Variants in DAB1 observed in about 807,000 individuals in gnomAD.
DAB1 encodes the protein DAB adaptor protein 1, also known as disabled homolog 1.
Under a neutral mutation model 64.6 loss-of-function variants are expected in DAB1, and 15 were observed. That is an observed-to-expected ratio of 0.23 (90% confidence interval 0.16 to 0.36). DAB1 has a LOEUF of 0.36. Ranked by LOEUF, DAB1 falls within the 10% of genes least tolerant of loss-of-function variation. DAB1 has a pLI of 1.00. For synonymous variants in DAB1, 235 were observed against 251.9 expected (o/e 0.93, Z 0.64); for missense variants, 596 against 706.7 (o/e 0.84, Z 1.78).
intron 5 of DAB1, among the ~76,000 whole-genome samples, chr1:58,111,176 G>C (rs2100651010): frequency 6.6e-6 from 1 of 152,350 alleles, no homozygotes; most frequent in South Asian, 2.1e-4. Context: ...CAGTGTGTCT[G>C]AAGTCAAGAG....
At chr1:58,537,572 T>C (rs1446362101) in intron 1 of DAB1, among the ~76,000 whole-genome samples, 1 of 152,208 alleles carries the variant, frequency 6.6e-6, no homozygotes, top group African/African-American at 2.4e-5. Flanking sequence ...TCAGAAACAT[T>C]TTGACAACAA....
At chr1:57,179,375 G>T (rs886112687) in intron 2 of DAB1, among the ~76,000 whole-genome samples, 7 of 152,154 alleles carry the variant, frequency 4.6e-5, no homozygotes, top group Non-Finnish European at 8.8e-5. Flanking sequence ...CCAAACCTTC[G>T]TACCTGCAGC....
At chr1:58,326,281 G>T (rs1476971826) in intron 4 of DAB1, among the ~76,000 whole-genome samples, 1 of 152,194 alleles carries the variant, frequency 6.6e-6, no homozygotes, top group Non-Finnish European at 1.5e-5. Flanking sequence ...AAATAACTCA[G>T]TGGGGCCTGT....
chr1:58,154,882 A>G (rs1009249861), intron 4 of DAB1, among the ~76,000 whole-genome samples: 1 of 152,238 alleles, frequency 6.6e-6, no homozygotes. Flanking sequence ...TTATTAGCTA[A>G]GTAACTGAGA....
chr1:57,567,537 C>T (rs1342193219), intron 7 of DAB1, among the ~76,000 whole-genome samples: 1 of 152,188 alleles, frequency 6.6e-6, no homozygotes, highest in African/African-American at 2.4e-5. Context: ...CCCATCGTCT[C>T]AGCCCCAAAT....
intron 3 of DAB1, among the ~76,000 whole-genome samples, chr1:58,343,679 T>C (rs888994000): frequency 6.6e-6 from 1 of 152,220 alleles, no homozygotes; most frequent in African/African-American, 2.4e-5. Context: ...CTAACACACA[T>C]CACTTAACCT....
chr1:57,253,257 C>T (rs767105385), intron 2 of DAB1, among the ~76,000 whole-genome samples: 1 of 152,120 alleles, frequency 6.6e-6, no homozygotes, highest in Admixed American at 6.5e-5. Flanking sequence ...ATCCCCATTA[C>T]CGGCTGAGTG....
chr1:58,258,162 CAGG>C, intron 4 of DAB1, among the ~76,000 whole-genome samples: 2 of 152,050 alleles, frequency 1.3e-5, no homozygotes, highest in Admixed American at 6.5e-5. Flanking sequence ...CTTCGCACAC[CAGG>C]AGGAGTCTGA....
At chr1:57,006,611 G>C (rs1646078653) in intron 14 of DAB1, among the ~76,000 whole-genome samples, 1 of 152,096 alleles carries the variant, frequency 6.6e-6, no homozygotes, top group Non-Finnish European at 1.5e-5. Flanking sequence ...ACCTCGACAG[G>C]GAGTCTGTTC....
intron 4 of DAB1, among the ~76,000 whole-genome samples, chr1:58,301,161 G>T (rs1387739997): frequency 6.7e-6 from 1 of 149,360 alleles, no homozygotes; most frequent in Non-Finnish European, 1.5e-5. Flanking sequence ...AGCCTGCAAA[G>T]GTGGAGTTTT....
chr1:57,932,745 A>C (rs1381562965), intron 5 of DAB1, among the ~76,000 whole-genome samples: 1 of 152,150 alleles, frequency 6.6e-6, no homozygotes, highest in Non-Finnish European at 1.5e-5. Context: ...GCCCAAAATT[A>C]ACACATTGAT....
chr1:57,740,252 TA>T (rs2101788696), intron 6 of DAB1, among the ~76,000 whole-genome samples: 1 of 152,134 alleles, frequency 6.6e-6, no homozygotes, highest in East Asian at 1.9e-4. Flanking sequence ...ATAAGCCACA[TA>T]AAAATAATCT....
chr1:58,536,101 G>A (rs1034571319), intron 1 of DAB1, among the ~76,000 whole-genome samples: 1 of 152,098 alleles, frequency 6.6e-6, no homozygotes, highest in African/African-American at 2.4e-5. Context: ...TGAAGGAAAA[G>A]TACAGTATGC....
At chr1:58,053,777 C>T (rs901218456) in intron 5 of DAB1, among the ~76,000 whole-genome samples, 2 of 152,190 alleles carry the variant, frequency 1.3e-5, no homozygotes, top group African/African-American at 4.8e-5. Context: ...TGGCAGAGAA[C>T]CCCAATCTGT....
intron 3 of DAB1, among the ~76,000 whole-genome samples, chr1:58,449,001 C>T (rs1233651942): frequency 6.6e-6 from 1 of 152,076 alleles, no homozygotes; most frequent in Non-Finnish European, 1.5e-5. Flanking sequence ...ATGGAAATAG[C>T]GTAGAAGGCA....
At chr1:57,454,072 G>C (rs1434720754) in intron 7 of DAB1, among the ~76,000 whole-genome samples, 1 of 152,116 alleles carries the variant, frequency 6.6e-6, no homozygotes, top group African/African-American at 2.4e-5. Flanking sequence ...TTGCAAACCT[G>C]TAGCTAAGGT....
intron 4 of DAB1, among the ~76,000 whole-genome samples, chr1:58,185,899 G>A (rs1019027138): frequency 1.2e-4 from 18 of 152,088 alleles, no homozygotes; most frequent in African/African-American, 4.3e-4. Context: ...ATGTGGATAG[G>A]GCCATTGACC....
chr1:57,255,098 A>C (rs763447203), intron 2 of DAB1, among the ~76,000 whole-genome samples: 2 of 152,214 alleles, frequency 1.3e-5, no homozygotes, highest in Non-Finnish European at 2.9e-5. Flanking sequence ...GATAAATGAA[A>C]TAACTAGAAT....
At chr1:58,249,240 C>T (rs1341483244) in intron 4 of DAB1, among the ~76,000 whole-genome samples, 1 of 152,012 alleles carries the variant, frequency 6.6e-6, no homozygotes, top group East Asian at 1.9e-4. Context: ...GCCACCACCA[C>T]ATATTTGAAT....
Sources: gnomAD v4.1 joint callset for allele counts (sites outside exome capture counted in the v4.1 genomes callset) on GRCh38, gnomAD v4.1.1 for gene constraint, MANE v1.5 for transcripts, NCBI Gene and HGNC (gene_info 2026-07-23, HGNC 2026-07-21) for gene names.